Variants in ITCH observed in about 807,000 individuals in gnomAD.
The protein encoded by ITCH is itchy E3 ubiquitin protein ligase.
ITCH carries 28 observed loss-of-function variants against 126.8 expected under a neutral mutation model. The observed-to-expected ratio is 0.22, with a 90% CI of 0.16 to 0.30. The LOEUF is 0.30. Ranked by LOEUF, ITCH falls within the 10% of genes least tolerant of loss-of-function variation. The pLI is 1.00. For synonymous variants in ITCH, 342 were observed against 340.0 expected (o/e 1.01, Z -0.06); for missense variants, 631 against 1,032.4 (o/e 0.61, Z 5.33).
rs1372392471 is a variant in ITCH, at chr20:34,373,227, A to G, written c.-22+3757A>G. On this transcript the variant is annotated intron_variant, in intron 2 of 24. Coordinates refer to ENST00000374864, the MANE Select transcript of ITCH (RefSeq NM_031483.7). The stretch of plus-strand genomic sequence containing the variant: ...GACCTCAAATAATCCACCTGCCTCG[A>G]CCTCCCAAAGTTCTGGATTACAGGC... Among the ~76,000 whole-genome samples the G allele has an allele frequency of 1.6e-4, 24 of 148,396 alleles. No homozygotes were observed. In the Admixed American group the frequency reaches 1.6e-3, roughly 10 times the overall value.
intron 23 of ITCH, among the ~76,000 whole-genome samples, chr20:34,500,760 C>G (rs1436118344): frequency 6.6e-6 from 1 of 152,124 alleles, no homozygotes; most frequent in Non-Finnish European, 1.5e-5. Flanking sequence ...TTCTTTCTCT[C>G]ATTGTTTATC....
At chr20:34,477,550 C>T (rs1988348285) in intron 16 of ITCH, among the ~76,000 whole-genome samples, 1 of 151,888 alleles carries the variant, frequency 6.6e-6, no homozygotes, top group African/African-American at 2.4e-5. Flanking sequence ...TAAATAAAAT[C>T]ACGTGTATAA....
At chr20:34,431,499 T>A (rs1982284526) in intron 7 of ITCH, among the ~76,000 whole-genome samples, 1 of 152,088 alleles carries the variant, frequency 6.6e-6, no homozygotes, top group Non-Finnish European at 1.5e-5. Flanking sequence ...TACTAGAGGA[T>A]GGGAGTGAGA....
intron 2 of ITCH, among the ~76,000 whole-genome samples, chr20:34,375,696 ATTTTTTTTTTTTTTTTTTTTT>A (rs5841171): frequency 1.2e-4 from 8 of 65,526 alleles, no homozygotes; most frequent in Non-Finnish European, 2.1e-4. Flanking sequence ...GGTAGTTAAA[ATTTTTTTTTTTTTTTTTTTTT>A]TTTTTTTTTT....
intron 18 of ITCH, 29 bp from the exon 19 acceptor site, chr20:34,480,567 ATTT>A (rs1454364320): frequency 6.2e-7 from 1 of 1,609,858 alleles, no homozygotes; most frequent in Non-Finnish European, 8.5e-7. Context: ...TTGTACAGTT[ATTT>A]TAAGCGGTCT....
intron 6 of ITCH, 105 bp downstream of exon 6, chr20:34,413,984 A>C: frequency 9.4e-7 from 1 of 1,062,106 alleles, no homozygotes; most frequent in South Asian, 1.4e-5. Context: ...AGATTAATAA[A>C]ATGTTTTTTT....
chr20:34,476,129 G>GACAGGTTAA, intron 16 of ITCH: 1 of 863,310 alleles, frequency 1.2e-6, no homozygotes, highest in Non-Finnish European at 2.0e-6. Flanking sequence ...AAGATGAGAT[G>GACAGGTTAA]ACAGGTTAAA....
intron 18 of ITCH, 135 bp from the exon 19 acceptor site, chr20:34,480,464 A>G: frequency 9.7e-7 from 1 of 1,025,982 alleles, no homozygotes; most frequent in Non-Finnish European, 1.5e-6. Context: ...GGCCTCCCAG[A>G]TTGCTGGGAT....
rs778264111 is a variant in ITCH at position 34,477,892 on chromosome 20, T to G, written c.1658+32T>G. The G allele has an allele frequency of 3.0e-5, 49 of 1,612,612 alleles. No individual in the cohort carries two copies. The Middle Eastern group carries it at 1.3e-3, about 43-fold the overall frequency. On this transcript the variant is annotated intron_variant, in intron 17 of 24. Coordinates refer to ENST00000374864, the MANE Select transcript of ITCH (RefSeq NM_031483.7). ...ATAATATGAATACTCAGAACTTAGT[T>G]CCTTTCCTCCAAAGGTACCATTGCA...
chr20:34,371,231 G>A (rs1396222367), intron 2 of ITCH, among the ~76,000 whole-genome samples: 1 of 146,618 alleles, frequency 6.8e-6, no homozygotes, highest in Non-Finnish European at 1.5e-5. Context: ...ATATGATCCA[G>A]CATTGCCACT....
intron 7 of ITCH, 60 bp downstream of exon 7, chr20:34,424,585 T>C: frequency 7.4e-7 from 1 of 1,355,618 alleles, no homozygotes; most frequent in East Asian, 2.3e-5. Flanking sequence ...TAAATATTCA[T>C]TTTAGTGTAA....
chr20:34,501,712 T>C (rs1990255868), intron 23 of ITCH, among the ~76,000 whole-genome samples: 1 of 150,302 alleles, frequency 6.7e-6, no homozygotes, highest in Admixed American at 6.6e-5. Flanking sequence ...GAGGCAGAGG[T>C]TGCAGTGAGC....
At chr20:34,430,902 C>A (rs894891462) in intron 7 of ITCH, among the ~76,000 whole-genome samples, 2 of 152,080 alleles carry the variant, frequency 1.3e-5, no homozygotes, top group Non-Finnish European at 2.9e-5. Flanking sequence ...AAATTTGTTA[C>A]AATAATCTAT....
At chr20:34,434,304 AG>A (rs1363899217) in intron 7 of ITCH, among the ~76,000 whole-genome samples, 2 of 152,166 alleles carry the variant, frequency 1.3e-5, no homozygotes, top group African/African-American at 4.8e-5. Flanking sequence ...GAAAACCCTA[AG>A]GGAAAAATAA....
chr20:34,393,726 C>T, intron 2 of ITCH, 65 bp from the exon 3 acceptor site: 1 of 921,548 alleles, frequency 1.1e-6, no homozygotes, highest in South Asian at 1.3e-5. Context: ...GCCAGGTTAG[C>T]ACTATTTATA....
intron 7 of ITCH, among the ~76,000 whole-genome samples, chr20:34,426,512 C>G (rs1981544603): frequency 6.7e-6 from 1 of 149,330 alleles, no homozygotes. Context: ...GTGGCGCGAT[C>G]TCAGCTCACT....
chr20:34,412,840 T>G (rs1250620066), intron 5 of ITCH, among the ~76,000 whole-genome samples: 1 of 152,190 alleles, frequency 6.6e-6, no homozygotes, highest in African/African-American at 2.4e-5. Flanking sequence ...GGATTCAGTA[T>G]TTTTAGTAAA....
intron 10 of ITCH, among the ~76,000 whole-genome samples, chr20:34,443,960 C>T (rs1252777245): frequency 6.6e-6 from 1 of 152,114 alleles, no homozygotes; most frequent in Non-Finnish European, 1.5e-5. Flanking sequence ...TACTCCTGGG[C>T]AACAGAGCCA....
chr20:34,446,895 A>G (rs966490931), intron 11 of ITCH, among the ~76,000 whole-genome samples: 1 of 152,212 alleles, frequency 6.6e-6, no homozygotes, highest in African/African-American at 2.4e-5. Context: ...CTTTATCTGT[A>G]AAATAAATAC....
Sources: gnomAD v4.1 joint callset for allele counts (sites outside exome capture counted in the v4.1 genomes callset) on GRCh38, gnomAD v4.1.1 for gene constraint, MANE v1.5 for transcripts, NCBI Gene and HGNC (gene_info 2026-07-23, HGNC 2026-07-21) for gene names.